Variants in SEH1L observed in about 807,000 individuals in gnomAD.
The protein encoded by SEH1L is SEH1 like nucleoporin, also known as nucleoporin SEH1.
In SEH1L, 18 loss-of-function variants were observed where a neutral mutation model predicts 49.5. The ratio of observed to expected loss-of-function variants is 0.36; its 90% CI spans 0.25 to 0.54. SEH1L has a LOEUF of 0.54. SEH1L is among the 20% of genes least tolerant of loss of function. SEH1L has a pLI of 0.87. For missense variants in SEH1L, 404 were observed against 528.8 expected (o/e 0.76, Z 2.31); for synonymous variants, 169 against 178.1 (o/e 0.95, Z 0.41).
intron 3 of SEH1L, among the ~76,000 whole-genome samples, chr18:12,962,459 C>CTTTTTTTTTTTTTTTTTTTTTTTTTT (rs3070220): frequency 1.6e-5 from 1 of 63,662 alleles, no homozygotes; most frequent in Non-Finnish European, 2.8e-5. Flanking sequence ...GCATGCCTTT[C>CTTTTTTTTTTTTTTTTTTTTTTTTTT]TTTTTTTTTT....
intron 1 of SEH1L, 116 bp downstream of exon 1, chr18:12,948,348 T>G (rs934197417): frequency 2.6e-6 from 2 of 761,748 alleles, no homozygotes; most frequent in Non-Finnish European, 4.3e-6. Context: ...AGCTGTGGGG[T>G]GGCGGGCGAG....
chr18:12,980,832 C>T (rs1380849229), intron 6 of SEH1L, among the ~76,000 whole-genome samples: 5 of 120,568 alleles, frequency 4.1e-5, no homozygotes, highest in Non-Finnish European at 5.5e-5. Context: ...CTGACCCCCC[C>T]ACTTCCCTTC....
At position 12,985,153 on chromosome 18, in the gene SEH1L, G is replaced by T. The variant is rs1048863555; in HGVS notation, c.1070+963G>T. 2.8e-5 allele frequency: 39 copies of T among 1,405,424 alleles called. No individual in the cohort carries two copies. In the South Asian group the frequency reaches 3.3e-4, roughly 12 times the overall value. The allele number at this position is 1,405,424 out of a possible 1,614,324, so 87.1% of individuals were successfully genotyped here. A position where few individuals can be genotyped will look rare whatever the true frequency, so the allele number is the denominator to read the frequency against. On this transcript the variant is annotated intron_variant, in intron 8 of 8. Coordinates refer to ENST00000399892, the MANE Select transcript of SEH1L (RefSeq NM_001013437.2). ...CTTTTGTAAATAGCTTCTATTTTTTGATCTGTATTCTTATTGTGCCAATAA... is the reference window on the plus strand; with the variant it reads ...CTTTTGTAAATAGCTTCTATTTTTTTATCTGTATTCTTATTGTGCCAATAA...
At chr18:12,961,669 GACTT>G in intron 3 of SEH1L, among the ~76,000 whole-genome samples, 1 of 151,998 alleles carries the variant, frequency 6.6e-6, no homozygotes, top group East Asian at 1.9e-4. Flanking sequence ...AAACTTTATT[GACTT>G]AGTTTTTTTT....
At chr18:12,950,981 C>T (rs2030488584) in intron 1 of SEH1L, among the ~76,000 whole-genome samples, 1 of 152,142 alleles carries the variant, frequency 6.6e-6, no homozygotes, top group Admixed American at 6.5e-5. Flanking sequence ...ACCACCATGC[C>T]TGGTTTCAAT....
intron 4 of SEH1L, among the ~76,000 whole-genome samples, chr18:12,968,499 T>G (rs1303734899): frequency 6.6e-6 from 1 of 152,238 alleles, no homozygotes; most frequent in Non-Finnish European, 1.5e-5. Flanking sequence ...AATCACTCCA[T>G]GATTGTCCGT....
At chr18:12,962,262 G>A (rs1457075273) in intron 3 of SEH1L, among the ~76,000 whole-genome samples, 1 of 151,652 alleles carries the variant, frequency 6.6e-6, no homozygotes, top group Admixed American at 6.6e-5. Flanking sequence ...AGCTGGGCAT[G>A]GTGGCAGGTG....
At chr18:12,976,102 A>G (rs2145651392) in intron 5 of SEH1L, among the ~76,000 whole-genome samples, 1 of 152,320 alleles carries the variant, frequency 6.6e-6, no homozygotes, top group East Asian at 1.9e-4. Flanking sequence ...CTGAAACAGT[A>G]CAGATTCGGT....
chr18:12,967,819 C>T (rs1046118253), intron 4 of SEH1L, among the ~76,000 whole-genome samples: 2 of 151,882 alleles, frequency 1.3e-5, no homozygotes, highest in Non-Finnish European at 2.9e-5. Context: ...GAGGCTGAGG[C>T]AGGAGAATCG....
At chr18:12,975,041 G>A (rs2031860930) in intron 5 of SEH1L, among the ~76,000 whole-genome samples, 1 of 151,028 alleles carries the variant, frequency 6.6e-6, no homozygotes, top group South Asian at 2.1e-4. Flanking sequence ...TGCCCAGGTT[G>A]GAGTGCAATG....
chr18:12,971,368 A>G (rs1233552231), intron 5 of SEH1L, 117 bp downstream of exon 5: 1 of 697,970 alleles, frequency 1.4e-6, no homozygotes, highest in Non-Finnish European at 2.4e-6. Context: ...CTGATTTACT[A>G]TAATATACCA....
At chr18:12,973,173 A>G (rs1036310640) in intron 5 of SEH1L, 1 of 152,126 alleles carries the variant, frequency 6.6e-6, no homozygotes, top group Non-Finnish European at 1.5e-5. Context: ...GCACCACTTC[A>G]CTCCAGCAGT....
chr18:12,973,707 G>A (rs1341129331), intron 5 of SEH1L: 5 of 152,194 alleles, frequency 3.3e-5, no homozygotes, highest in African/African-American at 1.2e-4. Context: ...ATCTAGACTG[G>A]GGGATTCCCT....
chr18:12,975,911 G>A (rs1483485956), intron 5 of SEH1L: 11 of 980,356 alleles, frequency 1.1e-5, no homozygotes, highest in Non-Finnish European at 1.3e-5. Flanking sequence ...CCTAGCTGAT[G>A]GTAGTGCCAC....
intron 4 of SEH1L, among the ~76,000 whole-genome samples, chr18:12,965,295 A>T (rs1215853797): frequency 1.3e-5 from 2 of 152,188 alleles, no homozygotes; most frequent in African/African-American, 4.8e-5. Context: ...TACAGGCATG[A>T]GCCACCTCGC....
chr18:12,948,863 T>G (rs1464642120), intron 1 of SEH1L: 2 of 150,474 alleles, frequency 1.3e-5, no homozygotes, highest in African/African-American at 4.9e-5. Context: ...TTTTTTTTTT[T>G]TTTTGAGACC....
At chr18:12,952,372 G>A (rs776980370) in intron 2 of SEH1L, among the ~76,000 whole-genome samples, 8 of 151,910 alleles carry the variant, frequency 5.3e-5, no homozygotes, top group Non-Finnish European at 8.8e-5. Flanking sequence ...AGCTGGGACT[G>A]TAGGCGTGCA....
intron 4 of SEH1L, among the ~76,000 whole-genome samples, chr18:12,966,300 C>G (rs1302796039): frequency 1.3e-5 from 2 of 152,152 alleles, no homozygotes; most frequent in South Asian, 2.1e-4. Context: ...CCATATTGGT[C>G]AGGCTGGTCT....
At chr18:12,980,072 G>T (rs1267071216) in intron 6 of SEH1L, among the ~76,000 whole-genome samples, 10 of 71,802 alleles carry the variant, frequency 1.4e-4, no homozygotes, top group Admixed American at 1.3e-3. Flanking sequence ...GCGGCTGGCC[G>T]GGCGGGGGGC....
Sources: gnomAD v4.1 joint callset for allele counts (sites outside exome capture counted in the v4.1 genomes callset) on GRCh38, gnomAD v4.1.1 for gene constraint, MANE v1.5 for transcripts, NCBI Gene and HGNC (gene_info 2026-07-23, HGNC 2026-07-21) for gene names.